The following MPP7 variants were observed in gnomAD, a reference collection of about 807,000 sequenced individuals.
MPP7 encodes the protein MAGUK p55 scaffold protein 7, also known as MAGUK p55 subfamily member 7.
A neutral mutation model predicts 76.5 loss-of-function variants in MPP7; 60 were observed. The ratio of observed to expected loss-of-function variants is 0.78; its 90% confidence interval spans 0.64 to 0.97. The LOEUF is 0.97. Ranked by LOEUF, MPP7 falls within the 50% of genes least tolerant of loss-of-function variation. The probability of loss-of-function intolerance (pLI) is 0.00; values close to 1 mark genes in which losing one functional copy is unlikely to be tolerated. For missense variants in MPP7, 641 were observed against 694.0 expected, an observed-to-expected ratio of 0.92 and a Z score of 0.86; for synonymous variants, 237 against 244.5, an observed-to-expected ratio of 0.97 and a Z score of 0.29.
chr10:28,140,053 T>C (rs1292419376), intron 5 of MPP7, among the ~76,000 whole-genome samples: 2 of 152,144 alleles, frequency 1.3e-5, no homozygotes, highest in Non-Finnish European at 2.9e-5. Flanking sequence ...GTTATCAAAA[T>C]GTATTATAGA....
chr10:28,308,221 C>T (rs1002098390), intron 2 of MPP7, among the ~76,000 whole-genome samples: 10 of 152,316 alleles, frequency 6.6e-5, no homozygotes, highest in South Asian at 2.1e-4. Context: ...CCATACTTTA[C>T]GCCCATGGTT....
chr10:28,293,472 A>G (rs1840968702), intron 1 of MPP7, among the ~76,000 whole-genome samples: 2 of 152,254 alleles, frequency 1.3e-5, no homozygotes, highest in African/African-American at 2.4e-5. Flanking sequence ...TGTCAATGAG[A>G]TAACAATCTG....
At chr10:28,193,457 C>T (rs939477226) in intron 3 of MPP7, among the ~76,000 whole-genome samples, 3 of 152,044 alleles carry the variant, frequency 2.0e-5, no homozygotes, top group Admixed American at 6.6e-5. Flanking sequence ...ATGATCCGCC[C>T]GCCTCGGCCT....
At chr10:28,327,220 T>G (rs570811718) in intron 2 of MPP7, among the ~76,000 whole-genome samples, 18 of 137,120 alleles carry the variant, frequency 1.3e-4, no homozygotes, top group African/African-American at 5.2e-4. Flanking sequence ...GATTTCAACT[T>G]GTCAAAGAAG....
chr10:28,060,330 A>G (rs1424995618), intron 13 of MPP7, among the ~76,000 whole-genome samples: 1 of 152,202 alleles, frequency 6.6e-6, no homozygotes, highest in Non-Finnish European at 1.5e-5. Context: ...CTAATTATTT[A>G]TTAACGAACT....
At chr10:28,287,829 A>G (rs959014654) in intron 1 of MPP7, among the ~76,000 whole-genome samples, 3 of 152,198 alleles carry the variant, frequency 2.0e-5, no homozygotes, top group African/African-American at 7.2e-5. Context: ...GAAAGATCCA[A>G]AATGAAAGAC....
rs1452112621 is a variant in MPP7 at position 28,051,010 on chromosome 10, T to C, written c.*3055A>G. On this transcript the variant is annotated 3_prime_UTR_variant, in exon 17 of 17. Coordinates refer to ENST00000683449, the MANE Select transcript of MPP7 (RefSeq NM_001318170.2). ...AAGCAGTGTTTGATTGAAAAAAATA[T>C]GAAATTTAATTTTAGACATGGCAAG... 3 of 152,190 alleles carry C rather than the reference T, an allele frequency of 2.0e-5. No homozygotes were observed. Among genetic ancestry groups the C allele is most frequent in the African/African-American group, 7.2e-5 (3 of 41,446 alleles). 9.4% of individuals were successfully genotyped at this position (152,190 alleles called of 1,614,324 possible).
chr10:28,101,322 T>G (rs913793235), intron 11 of MPP7, among the ~76,000 whole-genome samples: 1 of 152,152 alleles, frequency 6.6e-6, no homozygotes, highest in Admixed American at 6.5e-5. Context: ...CATTCTTTAA[T>G]AAAATGATTG....
At chr10:28,167,330 C>T (rs962706910) in intron 3 of MPP7, among the ~76,000 whole-genome samples, 4 of 150,142 alleles carry the variant, frequency 2.7e-5, no homozygotes, top group Non-Finnish European at 5.9e-5. Context: ...AACAAACAAA[C>T]AAACAAACAA....
chr10:28,238,471 A>T, intron 2 of MPP7, 97 bp downstream of exon 2: 1 of 1,309,020 alleles, frequency 7.6e-7, no homozygotes, highest in East Asian at 2.3e-5. Flanking sequence ...AAAAACAAGC[A>T]TGATCTGCCT....
intron 15 of MPP7, chr10:28,057,744 G>A (rs149812966): frequency 7.8e-7 from 1 of 1,285,656 alleles, no homozygotes; most frequent in Non-Finnish European, 1.0e-6. Context: ...TTTTACTCCA[G>A]ATTCATCTTC....
At chr10:28,222,874 T>C (rs1228385880) in intron 2 of MPP7, among the ~76,000 whole-genome samples, 2 of 146,968 alleles carry the variant, frequency 1.4e-5, no homozygotes, top group Non-Finnish European at 1.5e-5. Context: ...AACCTAGTGA[T>C]TTGGCTAATT....
At chr10:28,095,344 G>C (rs1291939066) in intron 11 of MPP7, among the ~76,000 whole-genome samples, 14 of 151,862 alleles carry the variant, frequency 9.2e-5, no homozygotes, top group Non-Finnish European at 2.1e-4. Context: ...GATACAGCAA[G>C]AGTTATGAAA....
chr10:28,164,952 C>T (rs2801842), intron 3 of MPP7, among the ~76,000 whole-genome samples: 113,671 of 152,078 alleles, frequency 0.75, 42,626 homozygotes, highest in Middle Eastern at 0.84. Flanking sequence ...ATCCCCTAAA[C>T]CTAAATCAAA....
chr10:28,252,827 C>T (rs1165861608), intron 1 of MPP7, among the ~76,000 whole-genome samples: 1 of 152,112 alleles, frequency 6.6e-6, no homozygotes, highest in Non-Finnish European at 1.5e-5. Context: ...CTGACATCCA[C>T]GTGTGGCAGA....
At chr10:28,231,692 G>T (rs1054640814) in intron 2 of MPP7, among the ~76,000 whole-genome samples, 47 of 152,072 alleles carry the variant, frequency 3.1e-4, no homozygotes, top group African/African-American at 1.1e-3. Context: ...AGAAGAAACA[G>T]AAAGCTAGAA....
At chr10:28,083,519 T>G (rs980553397) in intron 12 of MPP7, among the ~76,000 whole-genome samples, 2 of 149,630 alleles carry the variant, frequency 1.3e-5, no homozygotes, top group South Asian at 4.2e-4. Flanking sequence ...CATGCTTACA[T>G]GATTTTCTTC....
intron 6 of MPP7, among the ~76,000 whole-genome samples, chr10:28,126,816 T>C (rs1318430454): frequency 2.6e-5 from 4 of 152,222 alleles, no homozygotes; most frequent in Admixed American, 1.3e-4. Context: ...ACTTGCTCTA[T>C]GCGAATCTCA....
At position 28,066,762 on chromosome 10, in the gene MPP7, C is replaced by T. The variant is rs181593982; in HGVS notation, c.1204+3010G>A. 1.1e-3 allele frequency among the ~76,000 whole-genome samples: 169 copies of T among 152,286 alleles called. 2 individuals are homozygous for T. The highest frequency in any genetic ancestry group is 3.5e-3 in the African/African-American group (147 of 41,562). ...TATTGCAATTATAAAAATGAAATCA[C>T]GCTGCCTCATTCATTCTCTTGTGTC... On this transcript the variant is annotated intron_variant, in intron 13 of 16. Coordinates refer to ENST00000683449, the MANE Select transcript of MPP7 (RefSeq NM_001318170.2).
Sources: allele counts gnomAD v4.1 joint callset (sites outside exome capture counted in the v4.1 genomes callset), GRCh38; gene constraint gnomAD v4.1.1; transcripts MANE v1.5; gene names NCBI Gene and HGNC (gene_info 2026-07-23, HGNC 2026-07-21).